PKHD1: variants seen among roughly 807,000 people sequenced by gnomAD.
PKHD1 encodes the protein fibrocystin.
A neutral mutation model predicts 412.0 loss-of-function variants in PKHD1; 291 were observed. The observed-to-expected ratio is 0.71, with a 90% CI of 0.64 to 0.78. The LOEUF is 0.78. Ranked by LOEUF, PKHD1 falls within the 30% of genes least tolerant of loss-of-function variation. The pLI is 0.00. For synonymous variants in PKHD1, 1,777 were observed against 1,821.5 expected (o/e 0.98, Z 0.62); for missense variants, 4,825 against 4,950.7 (o/e 0.97, Z 0.76).
intron 36 of PKHD1, among the ~76,000 whole-genome samples, chr6:51,936,271 T>A (rs1441647761): frequency 6.6e-6 from 1 of 152,178 alleles, no homozygotes; most frequent in East Asian, 1.9e-4. Context: ...TCAGAAAGGA[T>A]GTTGTTCTTA....
intron 60 of PKHD1, among the ~76,000 whole-genome samples, chr6:51,743,351 T>G (rs981169741): frequency 3.3e-5 from 5 of 152,168 alleles, no homozygotes; most frequent in African/African-American, 1.2e-4. Flanking sequence ...CCAGGTTTTT[T>G]ACTTAAATAG....
rs142896856 is a variant in PKHD1, at chr6:52,056,715, C to T, written c.1676G>A (p.Arg559Gln). The T allele has an allele frequency of 1.1e-3, 1,713 of 1,612,762 alleles. 4 individuals carry two copies. Among genetic ancestry groups the T allele is most frequent in the Non-Finnish European group, 1.3e-3 (1,565 of 1,178,896 alleles). Reference protein sequence around the residue: ...LEPLWSNILLRLGFERGPEVS... With the variant: ...LEPLWSNILLQLGFERGPEVS... ...GACAGCACCTCGTTCAAATCCAAGCCGGAGAAGGATGTTAGACCAAAGGGG... is the reference window on the plus strand; with the variant it reads ...GACAGCACCTCGTTCAAATCCAAGCTGGAGAAGGATGTTAGACCAAAGGGG... Residue 559 changes from arginine (R) to glutamine (Q), a missense_variant, in exon 18 of 67, where the codon CGG (arginine) becomes CAG (glutamine). Physicochemically the swap from Arg to Gln is conservative, Grantham distance 43. Transcript: ENST00000371117.
intron 60 of PKHD1, among the ~76,000 whole-genome samples, chr6:51,674,073 T>C (rs1582000192): frequency 6.6e-6 from 1 of 152,262 alleles, no homozygotes; most frequent in South Asian, 2.1e-4. Flanking sequence ...GAAAAACATA[T>C]TGCATCCTTA....
At chr6:51,840,707 C>G (rs1186255646) in intron 50 of PKHD1, among the ~76,000 whole-genome samples, 1 of 152,156 alleles carries the variant, frequency 6.6e-6, no homozygotes, top group Non-Finnish European at 1.5e-5. Flanking sequence ...TCATACTACA[C>G]TCTTAAAATA....
chr6:52,063,914 C>T (rs377700231), intron 13 of PKHD1, among the ~76,000 whole-genome samples: 1 of 152,232 alleles, frequency 6.6e-6, no homozygotes, highest in Admixed American at 6.5e-5. Flanking sequence ...ATTATCCTAC[C>T]ACTACCCAAG....
At chr6:51,870,431 T>TTTGC in intron 47 of PKHD1, 73 bp downstream of exon 47, 1 of 1,188,406 alleles carries the variant, frequency 8.4e-7, no homozygotes. Flanking sequence ...TCACAAAGTA[T>TTTGC]TTGCCACTAT....
At chr6:52,005,350 G>A (rs1015190919) in intron 35 of PKHD1, among the ~76,000 whole-genome samples, 2 of 152,118 alleles carry the variant, frequency 1.3e-5, no homozygotes, top group African/African-American at 2.4e-5. Context: ...TGAATCAAAG[G>A]ACCAAATGCT....
At chr6:51,738,008 G>A (rs964602617) in intron 60 of PKHD1, among the ~76,000 whole-genome samples, 1 of 152,144 alleles carries the variant, frequency 6.6e-6, no homozygotes, top group Non-Finnish European at 1.5e-5. Flanking sequence ...TAAGCCCCAC[G>A]TTTACTTATT....
chr6:51,636,000 A>C (rs940462606), intron 64 of PKHD1, among the ~76,000 whole-genome samples: 1 of 152,098 alleles, frequency 6.6e-6, no homozygotes. Context: ...ACACCATGGT[A>C]ATGATAGTGA....
intron 43 of PKHD1, among the ~76,000 whole-genome samples, chr6:51,901,009 C>A (rs1781177210): frequency 6.6e-6 from 1 of 151,860 alleles, no homozygotes; most frequent in South Asian, 2.1e-4. Flanking sequence ...ATTAAAAAGT[C>A]AGGAAACAAC....
intron 60 of PKHD1, among the ~76,000 whole-genome samples, chr6:51,737,706 CTTA>C (rs907107732): frequency 3.4e-5 from 5 of 147,404 alleles, no homozygotes; most frequent in Admixed American, 3.3e-4. Flanking sequence ...AGCAGAATCA[CTTA>C]TTGTTTGTGT....
At chr6:51,986,419 G>A (rs1796225461) in intron 35 of PKHD1, among the ~76,000 whole-genome samples, 1 of 152,180 alleles carries the variant, frequency 6.6e-6, no homozygotes, top group African/African-American at 2.4e-5. Flanking sequence ...TCAATTAGAA[G>A]GAAGTAGGGG....
intron 35 of PKHD1, among the ~76,000 whole-genome samples, chr6:51,972,106 A>T (rs905797238): frequency 6.6e-6 from 1 of 152,152 alleles, no homozygotes; most frequent in Non-Finnish European, 1.5e-5. Flanking sequence ...GATTGGTATT[A>T]AAAATTCTAC....
chr6:51,938,997 C>T (rs1014813493), intron 36 of PKHD1, among the ~76,000 whole-genome samples: 9 of 151,594 alleles, frequency 5.9e-5, no homozygotes, highest in Admixed American at 5.9e-4. Context: ...AAAACTCTGG[C>T]GCCAGTCACG....
chr6:51,773,900 A>G (rs1261056805), intron 54 of PKHD1, among the ~76,000 whole-genome samples: 1 of 151,872 alleles, frequency 6.6e-6, no homozygotes, highest in Non-Finnish European at 1.5e-5. Context: ...AGAAAACTAA[A>G]TCAGGATAAA....
intron 40 of PKHD1, among the ~76,000 whole-genome samples, chr6:51,907,087 G>C (rs115141408): frequency 0.011 from 1,617 of 152,138 alleles, 31 homozygotes; most frequent in African/African-American, 0.037. Context: ...ATGAAACTAA[G>C]TAACCTCTGC....
At chr6:51,705,025 G>A (rs1779852784) in intron 60 of PKHD1, among the ~76,000 whole-genome samples, 1 of 152,082 alleles carries the variant, frequency 6.6e-6, no homozygotes, top group African/African-American at 2.4e-5. Flanking sequence ...CAAAAGGACT[G>A]AGATCAGCAA....
chr6:52,059,259 CT>C (rs55992586), intron 15 of PKHD1, among the ~76,000 whole-genome samples: 3,655 of 83,654 alleles, frequency 0.044, 108 homozygotes, highest in Admixed American at 0.19. Flanking sequence ...TTTTCTTTTT[CT>C]TTTTTTTTTT....
intron 37 of PKHD1, among the ~76,000 whole-genome samples, chr6:51,914,534 C>G (rs2127676339): frequency 6.6e-6 from 1 of 152,220 alleles, no homozygotes; most frequent in East Asian, 1.9e-4. Context: ...GAGCTAGACC[C>G]TCTTGCAAAC....
Sources: gnomAD v4.1 joint callset for allele counts (sites outside exome capture counted in the v4.1 genomes callset) on GRCh38, gnomAD v4.1.1 for gene constraint, MANE v1.5 for transcripts, NCBI Gene and HGNC (gene_info 2026-07-23, HGNC 2026-07-21) for gene names.